Variants in ZBTB20 observed in about 807,000 individuals in gnomAD.
ZBTB20 encodes the protein zinc finger and BTB domain containing 20.
A neutral mutation model predicts 56.9 loss-of-function variants in ZBTB20; 9 were observed. The observed-to-expected ratio is 0.16, with a 90% CI of 0.10 to 0.28. The LOEUF (loss-of-function observed/expected upper bound fraction) is 0.28. ZBTB20 is among the 10% of genes least tolerant of loss of function. The probability of loss-of-function intolerance (pLI) is 1.00; values close to 1 mark genes in which losing one functional copy is unlikely to be tolerated. For synonymous variants in ZBTB20, 417 were observed against 420.7 expected, an observed-to-expected ratio of 0.99 and a Z score of 0.11; for missense variants, 655 against 1,003.0, an observed-to-expected ratio of 0.65 and a Z score of 4.69.
intron 6 of ZBTB20, among the ~76,000 whole-genome samples, chr3:114,607,424 TC>T (rs1300301076): frequency 5.3e-5 from 8 of 151,634 alleles, no homozygotes; most frequent in Non-Finnish European, 1.0e-4. Flanking sequence ...TGCCTCAGGC[TC>T]CCAAATAGCT....
intron 6 of ZBTB20, among the ~76,000 whole-genome samples, chr3:114,645,076 C>T (rs1179427805): frequency 2.0e-5 from 3 of 151,766 alleles, no homozygotes; most frequent in East Asian, 1.9e-4. Context: ...ATGAGCTCCA[C>T]GATGTTCGTT....
chr3:115,116,796 G>C (rs1331489570), intron 1 of ZBTB20, among the ~76,000 whole-genome samples: 2 of 152,000 alleles, frequency 1.3e-5, no homozygotes, highest in Non-Finnish European at 2.9e-5. Flanking sequence ...ATATTTATTA[G>C]GGCAAATAAA....
chr3:114,462,750 T>C lies in ZBTB20; in HGVS notation c.-255+37602A>G, dbSNP rs143601202. ...GCAACCAGATTAGACACAACTATGA[T>C]TTTCATGGAAAATCATCAGAATTTT... is the stretch of plus-strand genomic sequence containing the variant. On this transcript the variant is annotated intron_variant, in intron 7 of 11. Coordinates refer to ENST00000675478, the MANE Select transcript of ZBTB20 (RefSeq NM_001348800.3). 2.0e-5 allele frequency among the ~76,000 whole-genome samples: 3 copies of C among 152,318 alleles called. No homozygotes were observed. The East Asian group carries it at 5.8e-4, about 29-fold the overall frequency.
chr3:115,126,905 G>A (rs1373106010), intron 1 of ZBTB20, among the ~76,000 whole-genome samples: 2 of 152,120 alleles, frequency 1.3e-5, no homozygotes, highest in Admixed American at 1.3e-4. Flanking sequence ...GAAAAAAGGA[G>A]AACACATGGA....
At chr3:114,960,310 A>C (rs2077401135) in intron 3 of ZBTB20, among the ~76,000 whole-genome samples, 2 of 152,212 alleles carry the variant, frequency 1.3e-5, no homozygotes, top group Non-Finnish European at 2.9e-5. Flanking sequence ...ATGATGAGAG[A>C]ATGCTTTTAT....
intron 7 of ZBTB20, among the ~76,000 whole-genome samples, chr3:114,466,396 G>A (rs1270763816): frequency 6.6e-6 from 1 of 152,146 alleles, no homozygotes; most frequent in Admixed American, 6.5e-5. Context: ...TCCTATCTGT[G>A]ATCCTGTCTT....
At chr3:114,514,397 T>A (rs1250428076) in intron 6 of ZBTB20, among the ~76,000 whole-genome samples, 1 of 152,148 alleles carries the variant, frequency 6.6e-6, no homozygotes, top group African/African-American at 2.4e-5. Context: ...TCACAGTGCA[T>A]AACATGGTTG....
At chr3:115,109,215 GT>G in intron 1 of ZBTB20, among the ~76,000 whole-genome samples, 1 of 152,150 alleles carries the variant, frequency 6.6e-6, no homozygotes, top group Non-Finnish European at 1.5e-5. Context: ...TTACTTATAT[GT>G]ACAGTTTATA....
chr3:115,124,418 T>G (rs2084267640), intron 1 of ZBTB20, among the ~76,000 whole-genome samples: 1 of 152,154 alleles, frequency 6.6e-6, no homozygotes, highest in Non-Finnish European at 1.5e-5. Flanking sequence ...TAAATAAACC[T>G]AAAGACATTT....
chr3:114,987,048 C>T (rs2078576675), intron 2 of ZBTB20, among the ~76,000 whole-genome samples: 2 of 152,048 alleles, frequency 1.3e-5, no homozygotes. Flanking sequence ...AATGCTAAAA[C>T]TATAAAATCT....
intron 8 of ZBTB20, among the ~76,000 whole-genome samples, chr3:114,383,823 A>G (rs1333572087): frequency 6.6e-6 from 1 of 152,214 alleles, no homozygotes; most frequent in Non-Finnish European, 1.5e-5. Flanking sequence ...TTCATAGTTT[A>G]TTAAGGAGGA....
intron 7 of ZBTB20, among the ~76,000 whole-genome samples, chr3:114,452,718 G>A (rs2091704105): frequency 6.7e-6 from 1 of 150,100 alleles, no homozygotes; most frequent in Non-Finnish European, 1.5e-5. Flanking sequence ...TCCCTCCCCA[G>A]GGATATGAAT....
chr3:114,636,221 G>T (rs2059263343), intron 6 of ZBTB20, among the ~76,000 whole-genome samples: 1 of 152,108 alleles, frequency 6.6e-6, no homozygotes. Flanking sequence ...AAGAGGTAAA[G>T]ACTTTCCTAG....
intron 4 of ZBTB20, among the ~76,000 whole-genome samples, chr3:114,876,985 A>G (rs776581450): frequency 6.6e-6 from 1 of 152,196 alleles, no homozygotes; most frequent in South Asian, 2.1e-4. Flanking sequence ...TATGCTGCCT[A>G]TTCATTTTTG....
chr3:115,097,335 C>G (rs151071078), intron 1 of ZBTB20, among the ~76,000 whole-genome samples: 1 of 152,052 alleles, frequency 6.6e-6, no homozygotes, highest in Non-Finnish European at 1.5e-5. Context: ...TGCACCACCA[C>G]GCCCAGGTAG....
intron 3 of ZBTB20, among the ~76,000 whole-genome samples, chr3:114,969,327 A>C (rs1576452853): frequency 6.6e-6 from 1 of 152,170 alleles, no homozygotes; most frequent in East Asian, 1.9e-4. Context: ...ATCCCTAAAA[A>C]TGTACACTGT....
intron 4 of ZBTB20, among the ~76,000 whole-genome samples, chr3:114,822,369 T>C (rs546713519): frequency 6.3e-5 from 9 of 141,740 alleles, no homozygotes; most frequent in South Asian, 2.4e-4. Context: ...TTTGAACATG[T>C]TGACAAACCA....
chr3:114,788,566 A>T (rs1462913284), intron 5 of ZBTB20, among the ~76,000 whole-genome samples: 1 of 152,144 alleles, frequency 6.6e-6, no homozygotes, highest in Non-Finnish European at 1.5e-5. Flanking sequence ...ATTCATGGAC[A>T]TTTGGATTGT....
chr3:114,550,126 G>T (rs561271713), intron 6 of ZBTB20, among the ~76,000 whole-genome samples: 1 of 152,184 alleles, frequency 6.6e-6, no homozygotes, highest in South Asian at 2.1e-4. Context: ...TTTTAGTAGA[G>T]ATGGGGTTTC....
Sources: gnomAD v4.1 joint callset for allele counts (sites outside exome capture counted in the v4.1 genomes callset) on GRCh38, gnomAD v4.1.1 for gene constraint, MANE v1.5 for transcripts, NCBI Gene and HGNC (gene_info 2026-07-23, HGNC 2026-07-21) for gene names.